FBXW11: variants seen among roughly 807,000 people sequenced by gnomAD.
FBXW11 encodes F-box/WD repeat-containing protein 11.
In FBXW11, 19 loss-of-function variants were observed where a neutral mutation model predicts 77.6. The observed-to-expected ratio is 0.24, with a 90% confidence interval of 0.17 to 0.36. The LOEUF (loss-of-function observed/expected upper bound fraction) is 0.36, where lower values mean the gene tolerates loss of function less well. Among genes scored for constraint, FBXW11 ranks in the 10% least tolerant of loss-of-function variants. FBXW11 has a pLI of 1.00. For synonymous variants in FBXW11, 235 were observed against 249.4 expected (o/e 0.94, Z 0.54); for missense variants, 334 against 704.2 (o/e 0.47, Z 5.95).
chr5:171,947,327 G>A (rs1172626539), intron 2 of FBXW11, among the ~76,000 whole-genome samples: 3 of 152,070 alleles, frequency 2.0e-5, no homozygotes, highest in Non-Finnish European at 4.4e-5. Flanking sequence ...TCTACATTGG[G>A]CATTTATTTC....
At chr5:171,918,548 C>A (rs1367788984) in intron 2 of FBXW11, among the ~76,000 whole-genome samples, 1 of 152,096 alleles carries the variant, frequency 6.6e-6, no homozygotes, top group Admixed American at 6.6e-5. Flanking sequence ...ATTTGAAATA[C>A]CAACCAGTTT....
intron 2 of FBXW11, among the ~76,000 whole-genome samples, chr5:171,937,635 T>C (rs1408831869): frequency 6.6e-6 from 1 of 151,944 alleles, no homozygotes; most frequent in African/African-American, 2.4e-5. Context: ...AAGACCAGCC[T>C]GATCAACATG....
chr5:171,912,481 G>C (rs934669038), intron 3 of FBXW11, among the ~76,000 whole-genome samples: 3 of 152,162 alleles, frequency 2.0e-5, no homozygotes, highest in African/African-American at 7.2e-5. Context: ...GTTGCTTTAA[G>C]CATAAGAATG....
chr5:171,886,316 G>A (rs1230122459), intron 7 of FBXW11, among the ~76,000 whole-genome samples: 8 of 151,010 alleles, frequency 5.3e-5, no homozygotes, highest in African/African-American at 1.2e-4. Flanking sequence ...GCAAACTATC[G>A]CAAGGACAAA....
chr5:171,913,818 TAC>T (rs1161644281), intron 3 of FBXW11, among the ~76,000 whole-genome samples: 2,814 of 65,136 alleles, frequency 0.043, 101 homozygotes, highest in East Asian at 0.14. Flanking sequence ...CACACACACA[TAC>T]ACACACACAC....
At position 171,899,105 on chromosome 5, in the gene FBXW11, AAAAC is replaced by A; in HGVS notation, c.624-15_624-12del. The stretch of plus-strand genomic sequence containing the variant: ...AACAGGTACTGATCCCTGGCAAATA[AAAAC>A]AAACAGATGTTACATTTTTGCACAT... On this transcript the variant is annotated splice_polypyrimidine_tract_variant and intron_variant, in intron 5 of 13. Transcript: ENST00000517395. The A allele has an allele frequency of 1.3e-6, 2 of 1,567,506 alleles. No individual in the cohort carries two copies. Among genetic ancestry groups the A allele is most frequent in the Non-Finnish European group, 1.7e-6 (2 of 1,155,342 alleles).
At chr5:171,924,573 A>T (rs2114002344) in intron 2 of FBXW11, among the ~76,000 whole-genome samples, 1 of 152,192 alleles carries the variant, frequency 6.6e-6, no homozygotes, top group South Asian at 2.1e-4. Flanking sequence ...ATGCGGGACA[A>T]GAACTCAGGA....
intron 1 of FBXW11, among the ~76,000 whole-genome samples, chr5:171,974,952 G>A (rs1340268262): frequency 2.0e-5 from 3 of 152,008 alleles, no homozygotes; most frequent in Non-Finnish European, 2.9e-5. Context: ...GCGCCACCAC[G>A]CCCGGTTAAT....
At chr5:171,990,422 A>G (rs1247189951) in intron 1 of FBXW11, among the ~76,000 whole-genome samples, 2 of 152,238 alleles carry the variant, frequency 1.3e-5, no homozygotes, top group Non-Finnish European at 2.9e-5. Context: ...AAATTGCTGC[A>G]ATGTGACTGG....
chr5:171,861,579 T>C lies in FBXW11; in HGVS notation c.*2548A>G, dbSNP rs746398992. ...GTATTGCAACACTTTATTAAGAGTA[T>C]TGGCTTTGAATCAGTAGCTGAAGTA... On this transcript the variant is annotated 3_prime_UTR_variant, in exon 14 of 14. Coordinates refer to ENST00000517395, the MANE Select transcript of FBXW11 (RefSeq NM_001378974.1). The C allele has an allele frequency of 6.6e-6, 1 of 152,644 alleles. No homozygotes were observed. Among genetic ancestry groups the C allele is most frequent in the Non-Finnish European group, 1.5e-5 (1 of 68,032 alleles). 9.5% of individuals were successfully genotyped at this position (152,644 alleles called of 1,614,324 possible). A position where few individuals can be genotyped will look rare whatever the true frequency, so the allele number is the denominator to read the frequency against.
At chr5:171,929,885 A>ATTTTT (rs1762079448) in intron 2 of FBXW11, among the ~76,000 whole-genome samples, 1 of 152,148 alleles carries the variant, frequency 6.6e-6, no homozygotes, top group Non-Finnish European at 1.5e-5. Context: ...ATTAAAAAAT[A>ATTTTT]AAAGTGATGG....
chr5:171,865,821 T>C (rs1283453620), intron 13 of FBXW11, among the ~76,000 whole-genome samples: 2 of 152,244 alleles, frequency 1.3e-5, no homozygotes, highest in African/African-American at 4.8e-5. Flanking sequence ...GATCTACTGC[T>C]GCATTTGCTG....
intron 13 of FBXW11, among the ~76,000 whole-genome samples, chr5:171,867,302 C>A (rs1464193641): frequency 1.3e-5 from 2 of 152,116 alleles, no homozygotes; most frequent in Non-Finnish European, 2.9e-5. Context: ...ACAGACAATA[C>A]ATAAAGGAAT....
At chr5:171,924,486 G>A (rs571777310) in intron 2 of FBXW11, among the ~76,000 whole-genome samples, 7 of 152,266 alleles carry the variant, frequency 4.6e-5, no homozygotes, top group African/African-American at 1.7e-4. Flanking sequence ...CCTCTCCGCT[G>A]AGAACTGTTT....
chr5:171,863,913 C>T lies in FBXW11; in HGVS notation c.*214G>A, dbSNP rs1757227433. On this transcript the variant is annotated 3_prime_UTR_variant, in exon 14 of 14. Coordinates refer to ENST00000517395, the MANE Select transcript of FBXW11 (RefSeq NM_001378974.1). ...AACGGGCTTCTGTTCTACTTGAAGC[C>T]GGGGAAGCTAAGGTCTCCTTCTCAA... is the stretch of plus-strand genomic sequence containing the variant. 1.3e-5 allele frequency: 2 copies of T among 152,060 alleles called. No individual in the cohort carries two copies. The highest frequency in any genetic ancestry group is 2.4e-5 in the African/African-American group (1 of 41,380). The allele number at this position is 152,060 out of a possible 1,614,324, so 9.4% of individuals were successfully genotyped here.
At chr5:171,912,093 C>T (rs1760915553) in intron 3 of FBXW11, among the ~76,000 whole-genome samples, 1 of 152,114 alleles carries the variant, frequency 6.6e-6, no homozygotes. Flanking sequence ...CAGTATGTCC[C>T]CTAACTTAAA....
intron 2 of FBXW11, among the ~76,000 whole-genome samples, chr5:171,937,084 A>G (rs1298472088): frequency 1.3e-5 from 2 of 152,224 alleles, no homozygotes; most frequent in African/African-American, 2.4e-5. Context: ...TCTTTTCTTC[A>G]TAACTATTGT....
At chr5:171,952,422 CATATATAT>C (rs1198809796) in intron 2 of FBXW11, among the ~76,000 whole-genome samples, 58 of 14,628 alleles carry the variant, frequency 4.0e-3, no homozygotes, top group Non-Finnish European at 5.9e-3. Context: ...TGTGTACATA[CATATATAT>C]ATATATATAT....
At chr5:171,924,477 C>T (rs1048114455) in intron 2 of FBXW11, among the ~76,000 whole-genome samples, 1 of 152,150 alleles carries the variant, frequency 6.6e-6, no homozygotes, top group Non-Finnish European at 1.5e-5. Context: ...TTTGAGTGCC[C>T]TCTCCGCTGA....
Sources: gnomAD v4.1 joint callset for allele counts (sites outside exome capture counted in the v4.1 genomes callset) on GRCh38, gnomAD v4.1.1 for gene constraint, MANE v1.5 for transcripts, NCBI Gene and HGNC (gene_info 2026-07-23, HGNC 2026-07-21) for gene names.